Variants in VPS13B observed in about 807,000 individuals in gnomAD.
The protein encoded by VPS13B is vacuolar protein sorting 13 homolog B.
VPS13B carries 285 observed loss-of-function variants against 426.4 expected under a neutral mutation model. The observed-to-expected ratio is 0.67, with a 90% confidence interval of 0.61 to 0.74. VPS13B has a LOEUF of 0.74. Ranked by LOEUF, VPS13B falls within the 30% of genes least tolerant of loss-of-function variation. The probability of loss-of-function intolerance (pLI) is 0.00; values close to 1 mark genes in which losing one functional copy is unlikely to be tolerated. For synonymous variants in VPS13B, 1,676 were observed against 1,676.4 expected (o/e 1.00, Z 0.01); for missense variants, 4,537 against 4,782.6 (o/e 0.95, Z 1.51).
chr8:99,646,253 A>G (rs935455907), intron 34 of VPS13B, among the ~76,000 whole-genome samples: 5 of 152,274 alleles, frequency 3.3e-5, no homozygotes, highest in African/African-American at 1.2e-4. Flanking sequence ...AGTGTCTCAC[A>G]TTTGTAATCT....
chr8:99,264,838 T>A (rs1043468052), intron 17 of VPS13B, among the ~76,000 whole-genome samples: 47 of 152,268 alleles, frequency 3.1e-4, no homozygotes, highest in African/African-American at 1.1e-3. Flanking sequence ...CATTTTCTTT[T>A]AATAGTTCCT....
In VPS13B at chr8:99,642,203, A is replaced by T; in HGVS notation, c.5613A>T (p.Thr1871=). 1.9e-6 allele frequency: 3 copies of T among 1,614,184 alleles called. No individual in the cohort carries two copies. Among genetic ancestry groups the T allele is most frequent in the Non-Finnish European group, 2.5e-6 (3 of 1,180,022 alleles). The change falls in exon 34 of 62, where the codon ACA becomes ACT. Residue 1871 remains threonine, a synonymous_variant. Coordinates refer to ENST00000357162, the MANE Select transcript of VPS13B (RefSeq NM_152564.5). ...ACCAGGCATGTATTTCCACGGTGAC[A>T]GCAGAAGATCTCTTAAGGAGCAGCA... The part of the protein sequence containing the change: ...KPNQACISTV[T]AEDLLRSSIS...
intron 20 of VPS13B, among the ~76,000 whole-genome samples, chr8:99,387,271 G>T (rs1380417501): frequency 3.3e-5 from 5 of 151,756 alleles, no homozygotes; most frequent in African/African-American, 1.2e-4. Flanking sequence ...AGGCTGAAGT[G>T]CAGTGCTGTG....
intron 40 of VPS13B, 47 bp downstream of exon 40, chr8:99,767,017 G>A (rs777238508): frequency 2.5e-6 from 4 of 1,586,246 alleles, no homozygotes; most frequent in East Asian, 2.2e-5. Context: ...GGGAAACAAT[G>A]ATAAGTCATC....
At chr8:99,131,906 A>G (rs1331094668) in intron 8 of VPS13B, among the ~76,000 whole-genome samples, 1 of 151,604 alleles carries the variant, frequency 6.6e-6, no homozygotes, top group Non-Finnish European at 1.5e-5. Context: ...GAGTAGGACT[A>G]TTTTTTTTGA....
chr8:99,408,896 G>A (rs1382100498), intron 21 of VPS13B, among the ~76,000 whole-genome samples: 1 of 152,206 alleles, frequency 6.6e-6, no homozygotes, highest in Non-Finnish European at 1.5e-5. Flanking sequence ...TCAGAAAGAA[G>A]TGAAGACTGT....
intron 33 of VPS13B, among the ~76,000 whole-genome samples, chr8:99,581,142 C>T (rs1826039307): frequency 4.6e-5 from 7 of 150,676 alleles, no homozygotes; most frequent in Admixed American, 4.6e-4. Context: ...AAGATCACAC[C>T]ATTGCACTCC....
At chr8:99,707,929 A>G (rs1205180161) in intron 36 of VPS13B, among the ~76,000 whole-genome samples, 4 of 152,216 alleles carry the variant, frequency 2.6e-5, no homozygotes, top group Non-Finnish European at 4.4e-5. Context: ...AAGGCACTGC[A>G]GTAAATTACT....
intron 47 of VPS13B, 75 bp downstream of exon 47, chr8:99,818,963 G>C: frequency 3.4e-6 from 4 of 1,169,002 alleles, no homozygotes; most frequent in Non-Finnish European, 5.0e-6. Flanking sequence ...TTGCACTGGG[G>C]GGCGGCGGGG....
chr8:99,761,966 GC>G (rs1345612910), intron 39 of VPS13B, among the ~76,000 whole-genome samples: 1 of 151,836 alleles, frequency 6.6e-6, no homozygotes, highest in Non-Finnish European at 1.5e-5. Flanking sequence ...TTATTAATAT[GC>G]TTTTTCTCAA....
chr8:99,688,150 T>G (rs1422424314), intron 35 of VPS13B, among the ~76,000 whole-genome samples: 2 of 151,216 alleles, frequency 1.3e-5, no homozygotes, highest in African/African-American at 2.4e-5. Flanking sequence ...TTTTTTTTTT[T>G]TTTATCTGAG....
intron 50 of VPS13B, 29 bp from the exon 51 acceptor site, chr8:99,823,803 A>G (rs1352810252): frequency 6.2e-7 from 1 of 1,609,548 alleles, no homozygotes; most frequent in South Asian, 1.1e-5. Context: ...CAGTATTGTC[A>G]AAATTATTTT....
intron 15 of VPS13B, among the ~76,000 whole-genome samples, chr8:99,168,746 A>G (rs1812160102): frequency 6.6e-6 from 1 of 152,036 alleles, no homozygotes; most frequent in Non-Finnish European, 1.5e-5. Flanking sequence ...CTTTTTCTCA[A>G]TTCTGTACTT....
At chr8:99,795,696 G>A (rs1370892050) in intron 43 of VPS13B, among the ~76,000 whole-genome samples, 1 of 152,122 alleles carries the variant, frequency 6.6e-6, no homozygotes, top group African/African-American at 2.4e-5. Flanking sequence ...TCCTCTGAAG[G>A]CTCATCTGGT....
At chr8:99,228,377 A>G (rs956894486) in intron 17 of VPS13B, among the ~76,000 whole-genome samples, 1 of 152,180 alleles carries the variant, frequency 6.6e-6, no homozygotes, top group African/African-American at 2.4e-5. Context: ...CCAGTGTTTC[A>G]TTTTTCCTTG....
chr8:99,085,052 G>T (rs1018510529), intron 3 of VPS13B, among the ~76,000 whole-genome samples: 4 of 152,116 alleles, frequency 2.6e-5, no homozygotes, highest in African/African-American at 9.7e-5. Context: ...TGACAGTGGG[G>T]TGTTAACATC....
intron 54 of VPS13B, among the ~76,000 whole-genome samples, chr8:99,846,462 T>A (rs545146531): frequency 4.4e-4 from 67 of 152,336 alleles, no homozygotes; most frequent in African/African-American, 1.4e-3. Context: ...AGGATTTACT[T>A]TGGACTTGTG....
intron 19 of VPS13B, among the ~76,000 whole-genome samples, chr8:99,292,158 A>G (rs979091284): frequency 6.6e-6 from 1 of 152,136 alleles, no homozygotes; most frequent in African/African-American, 2.4e-5. Flanking sequence ...AGAATAACAA[A>G]TGCAGAAGTG....
At chr8:99,317,614 C>T (rs1221475521) in intron 19 of VPS13B, among the ~76,000 whole-genome samples, 1 of 152,032 alleles carries the variant, frequency 6.6e-6, no homozygotes, top group African/African-American at 2.4e-5. Context: ...TCTTCTCAGT[C>T]CTCCCTTAAT....
Sources: gnomAD v4.1 joint callset for allele counts (sites outside exome capture counted in the v4.1 genomes callset) on GRCh38, gnomAD v4.1.1 for gene constraint, MANE v1.5 for transcripts, NCBI Gene and HGNC (gene_info 2026-07-23, HGNC 2026-07-21) for gene names.